KIF6: variants seen among roughly 807,000 people sequenced by gnomAD.
KIF6 encodes kinesin family member 6.
Under a neutral mutation model 112.7 loss-of-function variants are expected in KIF6, and 106 were observed. The ratio of observed to expected loss-of-function variants is 0.94; its 90% CI spans 0.80 to 1.11. The LOEUF (loss-of-function observed/expected upper bound fraction) is 1.11. KIF6 is among the 50% of genes least tolerant of loss of function. The pLI, the probability that KIF6 is intolerant of heterozygous loss-of-function variation, is 0.00. For synonymous variants in KIF6, 339 were observed against 339.9 expected (o/e 1.00, Z 0.03); for missense variants, 929 against 964.0 (o/e 0.96, Z 0.48).
chr6:39,401,426 G>A (rs1209786412), intron 15 of KIF6, among the ~76,000 whole-genome samples: 1 of 152,208 alleles, frequency 6.6e-6, no homozygotes. Context: ...CAAGGGAAGT[G>A]AGACATGGAG....
intron 16 of KIF6, among the ~76,000 whole-genome samples, chr6:39,364,366 AC>A (rs1765398913): frequency 6.6e-6 from 1 of 151,990 alleles, no homozygotes; most frequent in African/African-American, 2.4e-5. Context: ...TGATCCACCC[AC>A]CTCGGCCTCC....
rs756484316 is a variant in KIF6, at chr6:39,586,353, A to T, written c.898T>A (p.Ser300Thr). 11 of 1,614,050 alleles carry T rather than the reference A, an allele frequency of 6.8e-6. No homozygotes were observed. Among genetic ancestry groups the T allele is most frequent in the Non-Finnish European group, 9.3e-6 (11 of 1,179,880 alleles). ...TCTCTTAGGACACTGGTCATCATGG[A>T]GTTTCTATAAGGAATGTGCGAACGG... ...KHRSHIPYRN[S>T]MMTSVLRDSL... Residue 300 changes from serine to threonine, a missense_variant, in exon 8 of 23, where the codon TCC becomes ACC. Ser to Thr is a moderately conservative substitution (Grantham distance 58, BLOSUM62 1). Transcript: ENST00000287152.
chr6:39,720,002 A>T lies in KIF6; in HGVS notation c.176+700T>A, dbSNP rs547172510. 3.0e-3 allele frequency among the ~76,000 whole-genome samples: 453 copies of T among 152,302 alleles called. 2 individuals are homozygous for T. The highest frequency in any genetic ancestry group is 9.9e-3 in the African/African-American group (413 of 41,566). On this transcript the variant is annotated intron_variant, in intron 2 of 22. Coordinates refer to ENST00000287152, the MANE Select transcript of KIF6 (RefSeq NM_145027.6). ...CATCTTAAAAATTTAAAATAAAATA[A>T]ATAAAACTTTAAGAAACAAAAAGAA...
intron 12 of KIF6, among the ~76,000 whole-genome samples, chr6:39,543,046 T>C (rs886977404): frequency 6.6e-6 from 1 of 152,128 alleles, no homozygotes; most frequent in East Asian, 1.9e-4. Flanking sequence ...GGGGAGGTGA[T>C]GGATATCTCT....
At position 39,596,307 on chromosome 6, in the gene KIF6, T is replaced by G. The variant is rs572811949; in HGVS notation, c.640-47A>C. On this transcript the variant is annotated intron_variant, in intron 6 of 22. Coordinates refer to ENST00000287152, the MANE Select transcript of KIF6 (RefSeq NM_145027.6). ...AAAATTATTTGAACAATGAAAATTT[T>G]TAAAGAATATCAAAAGATTTAAAAT... The G allele has an allele frequency of 5.7e-6, 7 of 1,230,096 alleles. No homozygotes were observed. The East Asian group carries it at 1.7e-4, about 30-fold the overall frequency. 76.2% of individuals were successfully genotyped at this position (1,230,096 alleles called of 1,614,324 possible). A position where few individuals can be genotyped will look rare whatever the true frequency, so the allele number is the denominator to read the frequency against.
chr6:39,627,065 T>C (rs1784130445), intron 5 of KIF6, among the ~76,000 whole-genome samples: 1 of 152,182 alleles, frequency 6.6e-6, no homozygotes, highest in Admixed American at 6.6e-5. Context: ...GGCTACACCT[T>C]GCCTGCCAAA....
chr6:39,607,688 GC>G (rs1409544812), intron 6 of KIF6, among the ~76,000 whole-genome samples: 1 of 152,096 alleles, frequency 6.6e-6, no homozygotes, highest in Non-Finnish European at 1.5e-5. Flanking sequence ...AGCCTTCTGA[GC>G]AGCTAGGATT....
chr6:39,464,436 C>A (rs149974720), intron 13 of KIF6, among the ~76,000 whole-genome samples: 1 of 152,168 alleles, frequency 6.6e-6, no homozygotes, highest in African/African-American at 2.4e-5. Flanking sequence ...GATCAGCCAG[C>A]GTATTAAGCA....
At chr6:39,613,111 C>T in intron 6 of KIF6, 78 bp downstream of exon 6, 3 of 1,079,974 alleles carry the variant, frequency 2.8e-6, no homozygotes, top group Admixed American at 3.1e-5. Context: ...TCTATTATAT[C>T]TTTTTTTTTT....
At chr6:39,369,090 G>A (rs1220769283) in intron 16 of KIF6, among the ~76,000 whole-genome samples, 1 of 152,198 alleles carries the variant, frequency 6.6e-6, no homozygotes, top group African/African-American at 2.4e-5. Flanking sequence ...AAGACAAAGT[G>A]TCTATTCTTA....
intron 15 of KIF6, among the ~76,000 whole-genome samples, chr6:39,402,296 C>G (rs1186281028): frequency 4.6e-5 from 7 of 152,112 alleles, no homozygotes; most frequent in Non-Finnish European, 7.3e-5. Context: ...CAAGCCGTTT[C>G]GAGGACTCAT....
At chr6:39,545,382 G>A (rs1242800411) in intron 11 of KIF6, among the ~76,000 whole-genome samples, 1 of 152,164 alleles carries the variant, frequency 6.6e-6, no homozygotes, top group Non-Finnish European at 1.5e-5. Context: ...GAAGTCCATG[G>A]CCTGAGTTTA....
intron 13 of KIF6, among the ~76,000 whole-genome samples, chr6:39,478,781 T>G (rs1326078966): frequency 2.6e-5 from 4 of 152,006 alleles, no homozygotes; most frequent in African/African-American, 9.7e-5. Context: ...TTAAATTTTT[T>G]GATTATGGCC....
chr6:39,336,648 C>T (rs1762923261), intron 22 of KIF6, 100 bp from the exon 23 acceptor site: 1 of 1,068,460 alleles, frequency 9.4e-7, no homozygotes, highest in Non-Finnish European at 1.5e-6. Context: ...GCCACTCCCC[C>T]TGGGTCTTGG....
Position 39,331,833 on chromosome 6 carries a change from C to T in KIF6, c.*4699G>A, listed in dbSNP as rs1418333341. The T allele has an allele frequency of 2.0e-5, 3 of 152,196 alleles. No individual in the cohort carries two copies. Among genetic ancestry groups the T allele is most frequent in the African/African-American group, 7.2e-5 (3 of 41,412 alleles). 9.4% of individuals were successfully genotyped at this position (152,196 alleles called of 1,614,324 possible). A position where few individuals can be genotyped will look rare whatever the true frequency, so the allele number is the denominator to read the frequency against. On this transcript the variant is annotated 3_prime_UTR_variant, in exon 23 of 23. Transcript: ENST00000287152. ...AGACATGCTTATGTTTAAGGAATTA[C>T]AAGGAGCATTTTTTCTGCCTAGATT...
chr6:39,527,988 T>G lies in KIF6; in HGVS notation c.1645+12015A>C, dbSNP rs141497113. 2.2e-3 allele frequency among the ~76,000 whole-genome samples: 339 copies of G among 152,316 alleles called. 3 individuals are homozygous for G. Among genetic ancestry groups the G allele is most frequent in the African/African-American group, 7.8e-3 (326 of 41,556 alleles). ...TCTTTGTGGTCAGAATATTTGAAATTTACTCTGTCAGCAATTTTGAAATGT... is the reference window on the plus strand; with the variant it reads ...TCTTTGTGGTCAGAATATTTGAAATGTACTCTGTCAGCAATTTTGAAATGT... On this transcript the variant is annotated intron_variant, in intron 13 of 22. Coordinates refer to ENST00000287152, the MANE Select transcript of KIF6 (RefSeq NM_145027.6).
chr6:39,506,865 GT>G (rs913892515), intron 13 of KIF6, among the ~76,000 whole-genome samples: 35 of 152,280 alleles, frequency 2.3e-4, no homozygotes, highest in African/African-American at 6.7e-4. Context: ...TAGAGATTGA[GT>G]TAAGAGCTTC....
chr6:39,685,694 A>C (rs758345821), intron 3 of KIF6, among the ~76,000 whole-genome samples: 2 of 152,236 alleles, frequency 1.3e-5, no homozygotes, highest in Non-Finnish European at 2.9e-5. Context: ...ACCAGAGGGG[A>C]AATTTTGCTG....
chr6:39,577,341 A>G (rs897105856), intron 10 of KIF6, among the ~76,000 whole-genome samples: 3 of 152,272 alleles, frequency 2.0e-5, no homozygotes, highest in African/African-American at 7.2e-5. Flanking sequence ...AAATTATAGT[A>G]TATCTTTAGA....
Sources: gnomAD v4.1 joint callset for allele counts (sites outside exome capture counted in the v4.1 genomes callset) on GRCh38, gnomAD v4.1.1 for gene constraint, MANE v1.5 for transcripts, NCBI Gene and HGNC (gene_info 2026-07-23, HGNC 2026-07-21) for gene names.